ZFR2: variants seen among roughly 807,000 people sequenced by gnomAD.
ZFR2 encodes the protein zinc finger RNA-binding protein 2.
ZFR2 carries 104 observed loss-of-function variants against 105.7 expected under a neutral mutation model. The ratio of observed to expected loss-of-function variants is 0.98; its 90% CI spans 0.84 to 1.16. The LOEUF is 1.16. Ranked by LOEUF, ZFR2 falls within the 50% of genes most tolerant of loss-of-function variation. The pLI, the probability that ZFR2 is intolerant of heterozygous loss-of-function variation, is 0.00. For missense variants in ZFR2, 1,425 were observed against 1,355.5 expected, an observed-to-expected ratio of 1.05 and a Z score of -0.80; for synonymous variants, 634 against 597.7, an observed-to-expected ratio of 1.06 and a Z score of -0.89.
chr19:3,839,794 T>TGGC (rs1489647118), intron 1 of ZFR2, among the ~76,000 whole-genome samples: 1 of 152,080 alleles, frequency 6.6e-6, no homozygotes, highest in Non-Finnish European at 1.5e-5. Flanking sequence ...TCCCTAGGGT[T>TGGC]GGTGGCTGTC....
rs1568423492 is a variant in ZFR2 at position 3,827,644 on chromosome 19, C to T, written c.862G>A (p.Glu288Lys). The T allele has an allele frequency of 2.5e-6, 4 of 1,579,294 alleles. No individual in the cohort carries two copies. The highest frequency in any genetic ancestry group is 3.4e-6 in the Non-Finnish European group (4 of 1,163,096). Residue 288 changes from glutamate (E) to lysine (K), a missense_variant, in exon 6 of 19, where the codon GAA becomes AAA. Coordinates refer to ENST00000262961, the MANE Select transcript of ZFR2 (RefSeq NM_015174.2). ...ISCAGPQTYR[E>K]HLGGQKHRKK... ...CTGTGCTTCTGCCCTCCCAGATGTT[C>T]CCGGTAGGTCTGCGGCAAGGGGTGA...
chr19:3,835,025 C>T (rs557844337), intron 1 of ZFR2, 42 bp from the exon 2 acceptor site: 6 of 1,571,046 alleles, frequency 3.8e-6, no homozygotes, highest in African/African-American at 2.7e-5. Flanking sequence ...CAGGTTAGAG[C>T]GAGTTCTCAG....
chr19:3,850,442 G>A (rs761281051), intron 1 of ZFR2, among the ~76,000 whole-genome samples: 1 of 152,050 alleles, frequency 6.6e-6, no homozygotes, highest in Non-Finnish European at 1.5e-5. Flanking sequence ...GCTTTGGCCT[G>A]AATTACGTCC....
intron 1 of ZFR2, among the ~76,000 whole-genome samples, chr19:3,862,724 A>G (rs2145196284): frequency 6.6e-6 from 1 of 152,374 alleles, no homozygotes; most frequent in Non-Finnish European, 1.5e-5. Context: ...GTTTCCTGAA[A>G]GTACACTTCA....
intron 18 of ZFR2, among the ~76,000 whole-genome samples, 198 bp from the exon 19 acceptor site, chr19:3,806,323 C>T (rs906844602): frequency 1.3e-5 from 2 of 152,134 alleles, no homozygotes; most frequent in Non-Finnish European, 2.9e-5. Flanking sequence ...AGTGCAGTGG[C>T]GCGATCTCAG....
chr19:3,840,269 G>A (rs1173126939), intron 1 of ZFR2, among the ~76,000 whole-genome samples: 1 of 150,978 alleles, frequency 6.6e-6, no homozygotes, highest in Non-Finnish European at 1.5e-5. Flanking sequence ...AGACAGTCTT[G>A]CTCTGTCGCC....
At chr19:3,818,912 G>A (rs1034281292) in intron 12 of ZFR2, 133 bp downstream of exon 12, 66 of 1,138,580 alleles carry the variant, frequency 5.8e-5, no homozygotes, top group Admixed American at 4.0e-4. Flanking sequence ...TACTCCTGGG[G>A]CTGGAAAGCT....
chr19:3,841,178 A>G (rs1158666396), intron 1 of ZFR2, among the ~76,000 whole-genome samples: 2 of 152,206 alleles, frequency 1.3e-5, no homozygotes, highest in Non-Finnish European at 2.9e-5. Flanking sequence ...GAGAGCTCCA[A>G]CGTGGTTTCA....
chr19:3,823,229 T>C lies in ZFR2; in HGVS notation c.1371+17A>G, dbSNP rs2037914043. On this transcript the variant is annotated intron_variant, in intron 8 of 18. Transcript: ENST00000262961. The surrounding 1 kb of genome is among the most constrained non-coding windows in gnomAD (Gnocchi z 5.4). ...CTTCCCTGACCGGGGCACCAGGACT[T>C]GACAGCCTCGACTTACCTCCTCCAC... 1 of 1,613,832 alleles carries C rather than the reference T, an allele frequency of 6.2e-7. No homozygotes were observed. Among genetic ancestry groups the C allele is most frequent in the Non-Finnish European group, 8.5e-7 (1 of 1,179,856 alleles).
chr19:3,842,263 C>T (rs978409195), intron 1 of ZFR2, among the ~76,000 whole-genome samples: 1 of 152,060 alleles, frequency 6.6e-6, no homozygotes, highest in African/African-American at 2.4e-5. Context: ...ATCTGCCCGC[C>T]TCGGCTTCCC....
chr19:3,816,659 G>C lies in ZFR2; in HGVS notation c.2103+15C>G. The C allele has an allele frequency of 6.3e-7, 1 of 1,591,828 alleles. No homozygotes were observed. The highest frequency in any genetic ancestry group is 1.7e-5 in the Admixed American group (1 of 59,062). ...CAGACGCCAGAAGCAGCGATGAGCA[G>C]GGCCCTGACCTTACCTGGAGCTGCC... On this transcript the variant is annotated intron_variant, in intron 13 of 18. Coordinates refer to ENST00000262961, the MANE Select transcript of ZFR2 (RefSeq NM_015174.2).
At chr19:3,809,129 C>T (rs1277925564) in intron 16 of ZFR2, 146 bp from the exon 17 acceptor site, 3 of 579,766 alleles carry the variant, frequency 5.2e-6, no homozygotes, top group Admixed American at 3.8e-5. Context: ...CCGAGGAGGG[C>T]TGCCCGTGGC....
In ZFR2 at chr19:3,852,752, C is replaced by T. The variant is rs139562393; in HGVS notation, c.53+16213G>A. ...AAAACACAGCTCCTGGGAAGAACAC[C>T]CCACAGCATGACTCATCCAGACACC... On this transcript the variant is annotated intron_variant, in intron 1 of 18. Coordinates refer to ENST00000262961, the MANE Select transcript of ZFR2 (RefSeq NM_015174.2). The T allele has an allele frequency of 4.1e-3, 2,568 of 624,626 alleles. 14 individuals are homozygous for T. The highest frequency in any genetic ancestry group is 6.0e-3 in the Admixed American group (224 of 37,120). The allele number at this position is 624,626 out of a possible 1,614,324, so 38.7% of individuals were successfully genotyped here.
rs1366292421 is a variant in ZFR2, at chr19:3,831,752, G to A, written c.506C>T (p.Pro169Leu). 1.9e-6 allele frequency: 3 copies of A among 1,608,960 alleles called. No homozygotes were observed. The highest frequency in any genetic ancestry group is 2.5e-6 in the Non-Finnish European group (3 of 1,178,276). Reference sequence around the variant, plus strand: ...CTCGGGCTGGACGCCTGTCGCCGTGGGGTAGGTGTATCCCGAGGACAAGGT... The same window carrying A: ...CTCGGGCTGGACGCCTGTCGCCGTGAGGTAGGTGTATCCCGAGGACAAGGT... ...ASTLSSGYTY[P>L]TATGVQPESS... Residue 169 changes from proline to leucine, a missense_variant, in exon 4 of 19, where the codon CCC becomes CTC. By Grantham distance (98) the Pro-to-Leu change is moderately conservative. Coordinates refer to ENST00000262961, the MANE Select transcript of ZFR2 (RefSeq NM_015174.2).
intron 8 of ZFR2, 130 bp from the exon 9 acceptor site, chr19:3,822,330 C>T (rs1469480049): frequency 1.2e-5 from 17 of 1,417,632 alleles, no homozygotes; most frequent in Non-Finnish European, 1.6e-5. Flanking sequence ...TTTTTAGAGA[C>T]AGCGTCTTGC....
At chr19:3,820,562 T>A (rs1298196991) in intron 10 of ZFR2, among the ~76,000 whole-genome samples, 3 of 152,072 alleles carry the variant, frequency 2.0e-5, no homozygotes, top group Non-Finnish European at 1.5e-5. Flanking sequence ...CCCTTCCCAA[T>A]GCAGACCTGC....
chr19:3,825,106 A>T, intron 7 of ZFR2, 124 bp downstream of exon 7: 1 of 1,171,170 alleles, frequency 8.5e-7, no homozygotes, highest in Non-Finnish European at 1.1e-6. Context: ...GGCACCAGCC[A>T]GCCCCTCACC....
chr19:3,811,290 A>G lies in ZFR2; in HGVS notation c.2319T>C (p.Arg773=). ...KKCLESLAAL[R]HARWFQARAS... The stretch of plus-strand genomic sequence containing the variant: ...CCCTGACCTGAAACCACCTGGCATG[A>G]CGGAGGGCGGCCAGGGACTCGAGGC... Residue 773 remains arginine (R), a synonymous_variant, in exon 15 of 19, where the codon CGT becomes CGC. Coordinates refer to ENST00000262961, the MANE Select transcript of ZFR2 (RefSeq NM_015174.2). The G allele has an allele frequency of 6.3e-7, 1 of 1,599,804 alleles. No individual in the cohort carries two copies.
At chr19:3,856,372 A>G (rs2038301616) in intron 1 of ZFR2, among the ~76,000 whole-genome samples, 1 of 152,134 alleles carries the variant, frequency 6.6e-6, no homozygotes, top group Non-Finnish European at 1.5e-5. Context: ...GGAGTCAGAA[A>G]CTGGGTGTCA....
Sources: gnomAD v4.1 joint callset for allele counts (sites outside exome capture counted in the v4.1 genomes callset) on GRCh38, gnomAD v4.1.1 for gene constraint, Gnocchi (gnomAD v3.1) non-coding constraint, MANE v1.5 for transcripts, NCBI Gene and HGNC (gene_info 2026-07-23, HGNC 2026-07-21) for gene names.